Variants in PGM2L1 observed in about 807,000 individuals in gnomAD.
PGM2L1 encodes the protein phosphoglucomutase 2 like 1.
PGM2L1 carries 35 observed loss-of-function variants against 73.4 expected under a neutral mutation model. The ratio of observed to expected loss-of-function variants is 0.48; its 90% CI spans 0.36 to 0.63. The LOEUF is 0.63. Among genes scored for constraint, PGM2L1 ranks in the 30% least tolerant of loss-of-function variants. The probability of loss-of-function intolerance (pLI) is 0.00; values close to 1 mark genes in which losing one functional copy is unlikely to be tolerated. For missense variants in PGM2L1, 570 were observed against 742.0 expected, an observed-to-expected ratio of 0.77 and a Z score of 2.69; for synonymous variants, 225 against 253.8, an observed-to-expected ratio of 0.89 and a Z score of 1.08.
chr11:74,361,187 CTCTGAGACAAAGCT>C (rs1862558295), intron 5 of PGM2L1, among the ~76,000 whole-genome samples: 1 of 152,164 alleles, frequency 6.6e-6, no homozygotes, highest in African/African-American at 2.4e-5. Context: ...CCGGGTACCC[CTCTGAGACAAAGCT>C]TCTAGAGGAA....
chr11:74,384,205 TTC>T (rs1862989668), intron 1 of PGM2L1, among the ~76,000 whole-genome samples: 1 of 152,164 alleles, frequency 6.6e-6, no homozygotes, highest in Non-Finnish European at 1.5e-5. Flanking sequence ...AGTTTGTTAA[TTC>T]TCTCTCTGAT....
At chr11:74,366,855 G>A (rs1310805021) in intron 5 of PGM2L1, among the ~76,000 whole-genome samples, 1 of 152,142 alleles carries the variant, frequency 6.6e-6, no homozygotes, top group Non-Finnish European at 1.5e-5. Context: ...AGAAGCCACT[G>A]AAGAACTTTA....
rs916525040 is a variant in PGM2L1 at position 74,354,359 on chromosome 11, A to G, written c.556-2783T>C. On this transcript the variant is annotated intron_variant, in intron 5 of 13. Coordinates refer to ENST00000298198, the MANE Select transcript of PGM2L1 (RefSeq NM_173582.6). ...AAAAATGTGTGAAAAATCTAGTTTAAAAAAACGTTTAGGTCAGCTTACTGC... is the reference window on the plus strand; with the variant it reads ...AAAAATGTGTGAAAAATCTAGTTTAGAAAAACGTTTAGGTCAGCTTACTGC... 5 of 536,648 alleles carry G rather than the reference A, an allele frequency of 9.3e-6. No individual in the cohort carries two copies. In the South Asian group the frequency reaches 1.6e-4, roughly 17 times the overall value. The allele number at this position is 536,648 out of a possible 1,614,324, so 33.2% of individuals were successfully genotyped here.
intron 5 of PGM2L1, chr11:74,354,367 T>A: frequency 1.9e-6 from 1 of 539,762 alleles, no homozygotes. Context: ...TAAAAAAACG[T>A]TTAGGTCAGC....
intron 1 of PGM2L1, among the ~76,000 whole-genome samples, chr11:74,390,260 A>G (rs1291551421): frequency 6.6e-6 from 1 of 152,104 alleles, no homozygotes; most frequent in Non-Finnish European, 1.5e-5. Flanking sequence ...TGAGACAGGA[A>G]GAGCTTTCAA....
Position 74,371,566 on chromosome 11 carries a change from T to C in PGM2L1, c.386+145A>G, listed in dbSNP as rs560814. Reference sequence around the variant, plus strand: ...TTTCTTTGAGATACTTTTTCTTCTATTTCAGCTTTAAAGTAAATATTAGCA... The same window carrying C: ...TTTCTTTGAGATACTTTTTCTTCTACTTCAGCTTTAAAGTAAATATTAGCA... On this transcript the variant is annotated intron_variant, in intron 3 of 13. Transcript: ENST00000298198. The C allele has an allele frequency of 5.1e-6, 3 of 585,902 alleles. No homozygotes were observed. In the African/African-American group the frequency reaches 5.7e-5, roughly 11 times the overall value. 36.3% of individuals were successfully genotyped at this position (585,902 alleles called of 1,614,324 possible).
chr11:74,368,618 T>A, intron 4 of PGM2L1, 43 bp from the exon 5 acceptor site: 1 of 1,473,824 alleles, frequency 6.8e-7, no homozygotes, highest in Non-Finnish European at 9.5e-7. Context: ...GCTTCCTAGC[T>A]ATTTACACAT....
intron 1 of PGM2L1, among the ~76,000 whole-genome samples, chr11:74,384,341 T>A (rs1268820656): frequency 6.6e-6 from 1 of 152,032 alleles, no homozygotes; most frequent in Non-Finnish European, 1.5e-5. Flanking sequence ...TCTCCACCAA[T>A]TTTTTTAACT....
At chr11:74,350,107 G>A (rs1322975935) in intron 6 of PGM2L1, among the ~76,000 whole-genome samples, 1 of 152,056 alleles carries the variant, frequency 6.6e-6, no homozygotes, top group Non-Finnish European at 1.5e-5. Context: ...AAGACAGAAA[G>A]GATAAAAAAG....
intron 1 of PGM2L1, among the ~76,000 whole-genome samples, chr11:74,394,735 G>C (rs1863148411): frequency 1.3e-5 from 2 of 152,114 alleles, no homozygotes; most frequent in South Asian, 4.1e-4. Context: ...AACTAATTCT[G>C]AAAGTTCAAG....
At chr11:74,352,878 A>T (rs1278341036) in intron 5 of PGM2L1, among the ~76,000 whole-genome samples, 1 of 152,208 alleles carries the variant, frequency 6.6e-6, no homozygotes, top group African/African-American at 2.4e-5. Flanking sequence ...CTTGGATTGT[A>T]ATGCCCATGT....
chr11:74,359,993 T>C (rs920361923), intron 5 of PGM2L1, among the ~76,000 whole-genome samples: 1 of 152,014 alleles, frequency 6.6e-6, no homozygotes, highest in East Asian at 1.9e-4. Context: ...GGGATGGGGG[T>C]GAGAAGGGTC....
intron 5 of PGM2L1, among the ~76,000 whole-genome samples, chr11:74,353,160 A>T (rs917503474): frequency 2.2e-5 from 3 of 133,912 alleles, no homozygotes; most frequent in Non-Finnish European, 3.5e-5. Context: ...TTTAAAACAA[A>T]CAAAAAACCC....
intron 5 of PGM2L1, among the ~76,000 whole-genome samples, chr11:74,358,105 T>C (rs1420738948): frequency 6.6e-6 from 1 of 152,268 alleles, no homozygotes; most frequent in Non-Finnish European, 1.5e-5. Context: ...CGTGTCATTA[T>C]TCATTTGTCA....
At chr11:74,367,054 A>G (rs534214634) in intron 5 of PGM2L1, among the ~76,000 whole-genome samples, 12 of 152,284 alleles carry the variant, frequency 7.9e-5, no homozygotes, top group African/African-American at 1.2e-4. Context: ...TATTTTAGAC[A>G]TAGCATCTGT....
chr11:74,390,170 G>GA (rs11408369), intron 1 of PGM2L1, among the ~76,000 whole-genome samples: 113,599 of 138,820 alleles, frequency 0.82, 47,344 homozygotes, highest in Non-Finnish European at 0.91. Flanking sequence ...TTTTATGAAA[G>GA]AAAAAAAAAA....
intron 5 of PGM2L1, 114 bp downstream of exon 5, chr11:74,368,378 T>C: frequency 1.2e-6 from 1 of 844,904 alleles, no homozygotes; most frequent in Admixed American, 2.5e-5. Flanking sequence ...TTTTTAACTT[T>C]CTGTTCCCAA....
rs1308670586 is a variant in PGM2L1 at position 74,350,935 on chromosome 11, G to GAA, written c.749+447_749+448insTT. On this transcript the variant is annotated intron_variant, in intron 6 of 13. Transcript: ENST00000298198. ...AGAGAGAGAAAGAGAGAGAGAGAGA[G>GAA]AGAAAGAAACTAACTCTATAACCTA... is the stretch of plus-strand genomic sequence containing the variant. Among the ~76,000 whole-genome samples the GAA allele has an allele frequency of 2.2e-4, 33 of 151,560 alleles. 1 individual carries two copies. Among genetic ancestry groups the GAA allele is most frequent in the Non-Finnish European group, 1.2e-4 (8 of 67,890 alleles).
rs527302664 is a variant in PGM2L1, at chr11:74,370,680, A to G, written c.471+222T>C. ...AAAGAAGATGTTAACATATTTCACT[A>G]TAACTGTAGACTTGTCAACTTTTAT... On this transcript the variant is annotated intron_variant, in intron 4 of 13. Coordinates refer to ENST00000298198, the MANE Select transcript of PGM2L1 (RefSeq NM_173582.6). Among the ~76,000 whole-genome samples, 16 of 152,342 alleles carry G rather than the reference A, an allele frequency of 1.1e-4. No individual in the cohort carries two copies. In the East Asian group the frequency reaches 1.3e-3, roughly 13 times the overall value.
Sources: allele counts gnomAD v4.1 joint callset (sites outside exome capture counted in the v4.1 genomes callset), GRCh38; gene constraint gnomAD v4.1.1; transcripts MANE v1.5; gene names NCBI Gene and HGNC (gene_info 2026-07-23, HGNC 2026-07-21).